COL8A1: variants seen among roughly 807,000 people sequenced by gnomAD.
COL8A1 encodes the protein collagen type VIII alpha 1 chain.
COL8A1 carries 21 observed loss-of-function variants against 42.7 expected under a neutral mutation model. That is an observed-to-expected ratio of 0.49 (90% CI 0.35 to 0.71). The LOEUF (loss-of-function observed/expected upper bound fraction) is 0.71. COL8A1 is among the 30% of genes least tolerant of loss of function. The pLI, the probability that COL8A1 is intolerant of heterozygous loss-of-function variation, is 0.01. For synonymous variants in COL8A1, 367 were observed against 369.1 expected (o/e 0.99, Z 0.06); for missense variants, 788 against 962.4 (o/e 0.82, Z 2.40).
At chr3:99,719,454 T>C (rs1411469913) in intron 1 of COL8A1, among the ~76,000 whole-genome samples, 1 of 152,050 alleles carries the variant, frequency 6.6e-6, no homozygotes, top group African/African-American at 2.4e-5. Context: ...ACTCAGAATA[T>C]AACAGTGAGC....
chr3:99,694,139 G>C (rs149055954), intron 1 of COL8A1, among the ~76,000 whole-genome samples: 1 of 152,056 alleles, frequency 6.6e-6, no homozygotes, highest in African/African-American at 2.4e-5. Flanking sequence ...GCCTAATGAC[G>C]CATTTCTCAA....
rs748266531 is a variant in COL8A1 at position 99,795,162 on chromosome 3, C to T, written c.1261C>T (p.Pro421Ser). 9.3e-6 allele frequency: 15 copies of T among 1,613,542 alleles called. No individual in the cohort carries two copies. The highest frequency in any genetic ancestry group is 1.3e-5 in the Non-Finnish European group (15 of 1,179,810). The change falls in exon 4 of 4, where the codon CCA becomes TCA. Residue 421 changes from proline (P) to serine (S), a missense_variant. By Grantham distance (74) the Pro-to-Ser change is moderately conservative (BLOSUM62 -1). Transcript: ENST00000652472. ...GPKGEGGIVG[P>S]QGPPGPKGEP... The stretch of plus-strand genomic sequence containing the variant: ...CAAAGGAGAAGGTGGGATTGTAGGG[C>T]CACAGGGGCCACCAGGTCCCAAGGG...
intron 1 of COL8A1, among the ~76,000 whole-genome samples, chr3:99,648,670 A>G (rs1344926894): frequency 1.3e-5 from 2 of 152,322 alleles, no homozygotes; most frequent in East Asian, 3.9e-4. Flanking sequence ...GGTAAAAAGA[A>G]TGACAGTCTA....
intron 1 of COL8A1, among the ~76,000 whole-genome samples, chr3:99,729,297 T>G (rs1054675233): frequency 2.6e-5 from 4 of 152,050 alleles, no homozygotes; most frequent in Non-Finnish European, 5.9e-5. Context: ...TGTTAATTTC[T>G]CACACCTACC....
In COL8A1 at chr3:99,645,920, G is replaced by A. The variant is rs538478088; in HGVS notation, c.-129+7256G>A. Among the ~76,000 whole-genome samples the A allele has an allele frequency of 1.6e-4, 25 of 152,250 alleles. No homozygotes were observed. In the South Asian group the frequency reaches 4.6e-3, roughly 28 times the overall value. ...GCAGCTGGGGGTCAGTGAGAGACAA[G>A]CACAAAGACTGAGGAAGCCTGCGGT... On this transcript the variant is annotated intron_variant, in intron 1 of 3. Coordinates refer to ENST00000652472, the MANE Select transcript of COL8A1 (RefSeq NM_020351.4).
intron 2 of COL8A1, among the ~76,000 whole-genome samples, chr3:99,767,463 A>T (rs1237799213): frequency 6.6e-6 from 1 of 152,206 alleles, no homozygotes. Context: ...AGGAACAGCA[A>T]TAACTCTAAG....
intron 1 of COL8A1, among the ~76,000 whole-genome samples, chr3:99,736,036 CTCTCTTTT>C (rs1430957212): frequency 9.1e-5 from 6 of 65,728 alleles, no homozygotes; most frequent in African/African-American, 3.9e-4. Context: ...TTTGATTCTT[CTCTCTTTT>C]TTTCTTTATT....
intron 1 of COL8A1, among the ~76,000 whole-genome samples, chr3:99,725,850 T>C (rs559732142): frequency 1.3e-5 from 2 of 152,224 alleles, no homozygotes; most frequent in South Asian, 2.1e-4. Flanking sequence ...GTCTTTGCTA[T>C]TGTGAATAGT....
At chr3:99,683,311 A>G (rs934838658) in intron 1 of COL8A1, among the ~76,000 whole-genome samples, 3 of 152,192 alleles carry the variant, frequency 2.0e-5, no homozygotes, top group African/African-American at 4.8e-5. Flanking sequence ...ATAGCTACCA[A>G]TAAAATATCT....
chr3:99,780,034 G>A (rs1004445028), intron 2 of COL8A1, among the ~76,000 whole-genome samples: 1 of 152,132 alleles, frequency 6.6e-6, no homozygotes, highest in Admixed American at 6.5e-5. Flanking sequence ...GTCACGGAAC[G>A]TGTGCTCAAG....
chr3:99,645,840 C>A (rs1937631368), intron 1 of COL8A1, among the ~76,000 whole-genome samples: 1 of 152,148 alleles, frequency 6.6e-6, no homozygotes, highest in African/African-American at 2.4e-5. Context: ...CTTTCCAAGG[C>A]TACCACCAGC....
intron 2 of COL8A1, 87 bp from the exon 3 acceptor site, chr3:99,790,593 T>C (rs1246443562): frequency 9.3e-7 from 1 of 1,075,096 alleles, no homozygotes; most frequent in Non-Finnish European, 1.3e-6. Flanking sequence ...CTGTTTCCCT[T>C]TTTTTTCCCC....
chr3:99,753,866 A>G (rs1482421602), intron 2 of COL8A1, among the ~76,000 whole-genome samples: 2 of 152,218 alleles, frequency 1.3e-5, no homozygotes, highest in Non-Finnish European at 2.9e-5. Flanking sequence ...GACAAGAAAT[A>G]AAACTACAAA....
At chr3:99,739,186 T>C (rs1413194262) in intron 1 of COL8A1, among the ~76,000 whole-genome samples, 1 of 152,240 alleles carries the variant, frequency 6.6e-6, no homozygotes, top group African/African-American at 2.4e-5. Context: ...ACCCGTCTTC[T>C]GCATTGCTCA....
intron 1 of COL8A1, among the ~76,000 whole-genome samples, chr3:99,724,580 A>G (rs1179809873): frequency 6.6e-6 from 1 of 152,024 alleles, no homozygotes; most frequent in African/African-American, 2.4e-5. Context: ...AAAGATTAAT[A>G]TTTCTTCTTT....
Position 99,795,707 on chromosome 3 carries a change from G to T in COL8A1, c.1806G>T (p.Gly602=). ...IDGVKPPHAY[G]AKKGKNGGPA... The stretch of plus-strand genomic sequence containing the variant: ...GCGTGAAACCCCCCCATGCCTACGG[G>T]GCTAAGAAAGGCAAGAATGGAGGGC... Residue 602 remains glycine (G), a synonymous_variant, in exon 4 of 4, where the codon GGG becomes GGT. Transcript: ENST00000652472. 1.2e-6 allele frequency: 2 copies of T among 1,614,084 alleles called. No homozygotes were observed. Among genetic ancestry groups the T allele is most frequent in the Admixed American group, 1.7e-5 (1 of 60,024 alleles).
chr3:99,788,492 A>G (rs1394900847), intron 2 of COL8A1, among the ~76,000 whole-genome samples: 2 of 152,220 alleles, frequency 1.3e-5, no homozygotes, highest in African/African-American at 4.8e-5. Context: ...GGGGTTCCAT[A>G]ATTAAATTCA....
At chr3:99,691,133 C>A (rs1208948002) in intron 1 of COL8A1, among the ~76,000 whole-genome samples, 4 of 152,042 alleles carry the variant, frequency 2.6e-5, no homozygotes, top group Non-Finnish European at 4.4e-5. Context: ...CCTGGGTATA[C>A]CAAGGGATGA....
intron 2 of COL8A1, among the ~76,000 whole-genome samples, chr3:99,748,110 T>G (rs1941068514): frequency 1.3e-5 from 2 of 152,188 alleles, no homozygotes; most frequent in African/African-American, 4.8e-5. Context: ...CGATCCCCAT[T>G]ATAAAGAGGA....
Sources: allele counts gnomAD v4.1 joint callset (sites outside exome capture counted in the v4.1 genomes callset), GRCh38; gene constraint gnomAD v4.1.1; transcripts MANE v1.5; gene names NCBI Gene and HGNC (gene_info 2026-07-23, HGNC 2026-07-21).